The following HSD17B4 variants were observed in gnomAD, a reference collection of about 807,000 sequenced individuals.
HSD17B4 encodes peroxisomal multifunctional enzyme type 2.
Under a neutral mutation model 101.0 loss-of-function variants are expected in HSD17B4, and 70 were observed. The ratio of observed to expected loss-of-function variants is 0.69; its 90% CI spans 0.57 to 0.85. The LOEUF (loss-of-function observed/expected upper bound fraction) is 0.85. Ranked by LOEUF, HSD17B4 falls within the 40% of genes least tolerant of loss-of-function variation. HSD17B4 has a pLI of 0.00. For synonymous variants in HSD17B4, 347 were observed against 297.1 expected, an observed-to-expected ratio of 1.17 and a Z score of -1.73; for missense variants, 984 against 892.4, an observed-to-expected ratio of 1.10 and a Z score of -1.31.
At chr5:119,536,030 A>G in intron 22 of HSD17B4, 1 of 252,010 alleles carries the variant, frequency 4.0e-6, no homozygotes, top group Non-Finnish European at 7.8e-6. Flanking sequence ...TAATAAATAC[A>G]GAGCTAAAAA....
chr5:119,539,785 G>A (rs1754829395), intron 23 of HSD17B4, among the ~76,000 whole-genome samples: 1 of 151,876 alleles, frequency 6.6e-6, no homozygotes, highest in Admixed American at 6.6e-5. Context: ...ACACACAACT[G>A]GAGGGAATAT....
intron 16 of HSD17B4, 135 bp downstream of exon 16, chr5:119,509,379 G>A (rs915944090): frequency 1.4e-6 from 1 of 731,760 alleles, no homozygotes; most frequent in South Asian, 1.4e-5. Flanking sequence ...TGCCACCCCT[G>A]GGACACCAAG....
intron 3 of HSD17B4, 127 bp from the exon 4 acceptor site, chr5:119,474,274 G>C: frequency 1.3e-6 from 1 of 759,846 alleles, no homozygotes; most frequent in East Asian, 2.5e-5. Flanking sequence ...AATTATTGTA[G>C]ATATGGATAT....
At chr5:119,498,355 T>G (rs539467501) in intron 12 of HSD17B4, among the ~76,000 whole-genome samples, 2 of 152,344 alleles carry the variant, frequency 1.3e-5, no homozygotes, top group Non-Finnish European at 2.9e-5. Flanking sequence ...CTAGTACATA[T>G]TCTTTCTCTT....
At chr5:119,467,072 A>G (rs1311683494) in intron 2 of HSD17B4, among the ~76,000 whole-genome samples, 1 of 152,158 alleles carries the variant, frequency 6.6e-6, no homozygotes, top group African/African-American at 2.4e-5. Flanking sequence ...GTTTGCATGT[A>G]TTTGTACTGT....
chr5:119,462,789 G>A (rs1408679877), intron 2 of HSD17B4, among the ~76,000 whole-genome samples: 1 of 152,100 alleles, frequency 6.6e-6, no homozygotes, highest in Non-Finnish European at 1.5e-5. Context: ...TATACAGTGT[G>A]TAATGATCAA....
intron 8 of HSD17B4, among the ~76,000 whole-genome samples, chr5:119,484,776 G>A (rs1448003764): frequency 6.6e-6 from 1 of 152,108 alleles, no homozygotes; most frequent in Non-Finnish European, 1.5e-5. Context: ...TTTGCCAAGA[G>A]CTGTGTCTAA....
intron 4 of HSD17B4, 71 bp downstream of exon 4, chr5:119,474,531 C>A: frequency 1.1e-6 from 1 of 891,682 alleles, no homozygotes; most frequent in Non-Finnish European, 1.9e-6. Flanking sequence ...TTTAAGTTGA[C>A]TTTCATTTAC....
intron 6 of HSD17B4, 32 bp from the exon 7 acceptor site, chr5:119,477,385 A>G (rs1305256187): frequency 6.8e-7 from 1 of 1,462,812 alleles, no homozygotes; most frequent in East Asian, 2.5e-5. Context: ...AGTTTTTACA[A>G]AATATTTAAT....
At chr5:119,464,886 G>A (rs577624048) in intron 2 of HSD17B4, among the ~76,000 whole-genome samples, 79 of 152,284 alleles carry the variant, frequency 5.2e-4, no homozygotes, top group Non-Finnish European at 9.1e-4. Context: ...GAGCCACCGC[G>A]CCCGGCCTTT....
At chr5:119,507,559 G>A (rs1490489567) in intron 15 of HSD17B4, among the ~76,000 whole-genome samples, 3 of 152,012 alleles carry the variant, frequency 2.0e-5, no homozygotes, top group Non-Finnish European at 1.5e-5. Flanking sequence ...TGAGGCGGGC[G>A]GATCATGAGG....
intron 12 of HSD17B4, among the ~76,000 whole-genome samples, chr5:119,497,809 T>C (rs923214294): frequency 6.6e-6 from 1 of 152,240 alleles, no homozygotes. Context: ...TATTAAACTT[T>C]TGCTTTTTCT....
At chr5:119,490,995 G>GATTGATAAACTAT (rs1247418194) in intron 9 of HSD17B4, among the ~76,000 whole-genome samples, 1 of 152,150 alleles carries the variant, frequency 6.6e-6, no homozygotes, top group Non-Finnish European at 1.5e-5. Context: ...TAGCATGCAT[G>GATTGATAAACTAT]ATTGATAAAC....
chr5:119,542,177 A>G lies in HSD17B4; in HGVS notation c.*183A>G, dbSNP rs1462487292. 1.2e-5 allele frequency: 7 copies of G among 581,560 alleles called. No homozygotes were observed. Among genetic ancestry groups the G allele is most frequent in the Non-Finnish European group, 2.2e-5 (7 of 320,936 alleles). 36.0% of individuals were successfully genotyped at this position (581,560 alleles called of 1,614,324 possible). A position where few individuals can be genotyped will look rare whatever the true frequency, so the allele number is the denominator to read the frequency against. ...TTTTTCATGTATCATTATTTTTACAAGGAACTATATATAAGCTAGCACATA... is the reference window on the plus strand; with the variant it reads ...TTTTTCATGTATCATTATTTTTACAGGGAACTATATATAAGCTAGCACATA... On this transcript the variant is annotated 3_prime_UTR_variant, in exon 24 of 24. Coordinates refer to ENST00000510025, the MANE Select transcript of HSD17B4 (RefSeq NM_000414.4).
At chr5:119,475,535 G>A in intron 4 of HSD17B4, 171 bp from the exon 5 acceptor site, 1 of 589,448 alleles carries the variant, frequency 1.7e-6, no homozygotes, top group Non-Finnish European at 3.0e-6. Flanking sequence ...GCTTTTGTGA[G>A]TCAACTTTTT....
intron 22 of HSD17B4, among the ~76,000 whole-genome samples, chr5:119,533,689 G>T (rs1561492501): frequency 1.3e-5 from 2 of 152,030 alleles, no homozygotes; most frequent in African/African-American, 2.4e-5. Context: ...TGTGGGCCTG[G>T]AATTTAAGAG....
chr5:119,535,276 C>G (rs1302278778), intron 22 of HSD17B4, among the ~76,000 whole-genome samples: 2 of 151,928 alleles, frequency 1.3e-5, no homozygotes, highest in African/African-American at 2.4e-5. Context: ...ATCTGCAGAT[C>G]TTGTTAATAT....
chr5:119,519,051 T>C (rs909169931), intron 17 of HSD17B4, among the ~76,000 whole-genome samples: 2 of 152,148 alleles, frequency 1.3e-5, no homozygotes, highest in African/African-American at 2.4e-5. Context: ...AGGTGGAGGA[T>C]CACTTGAGCC....
At position 119,542,113 on chromosome 5, in the gene HSD17B4, T is replaced by A. The variant is rs1331027454; in HGVS notation, c.*119T>A. ...ATGCAGGGGAAATTGCTTAACATTT[T>A]CAGATATCAGATAACTGCAGATTTT... On this transcript the variant is annotated 3_prime_UTR_variant, in exon 24 of 24. Transcript: ENST00000510025. 1.4e-6 allele frequency: 1 copy of A among 708,630 alleles called. No homozygotes were observed. The highest frequency in any genetic ancestry group is 1.8e-5 in the African/African-American group (1 of 56,258). 43.9% of individuals were successfully genotyped at this position (708,630 alleles called of 1,614,324 possible).
Sources: allele counts gnomAD v4.1 joint callset (sites outside exome capture counted in the v4.1 genomes callset), GRCh38; gene constraint gnomAD v4.1.1; transcripts MANE v1.5; gene names NCBI Gene and HGNC (gene_info 2026-07-23, HGNC 2026-07-21).